Variants in OTUD7A observed in about 807,000 individuals in gnomAD.
OTUD7A encodes the protein OTU deubiquitinase 7A, also known as OTU domain-containing protein 7A.
Under a neutral mutation model 65.7 loss-of-function variants are expected in OTUD7A, and 12 were observed. The ratio of observed to expected loss-of-function variants is 0.18; its 90% CI spans 0.12 to 0.30. The LOEUF is 0.30. OTUD7A is among the 10% of genes least tolerant of loss of function. OTUD7A has a pLI of 1.00. For synonymous variants in OTUD7A, 641 were observed against 586.3 expected, an observed-to-expected ratio of 1.09 and a Z score of -1.35; for missense variants, 1,148 against 1,304.8, an observed-to-expected ratio of 0.88 and a Z score of 1.85.
chr15:31,741,240 C>T (rs1894334532), intron 1 of OTUD7A, among the ~76,000 whole-genome samples: 2 of 152,176 alleles, frequency 1.3e-5, no homozygotes, highest in South Asian at 4.2e-4. Flanking sequence ...TCCAAATAAC[C>T]CATAGGATTT....
Position 31,659,038 on chromosome 15 carries a change from AATG to A in OTUD7A, c.-99-1964_-99-1962del, listed in dbSNP as rs1443599630. 4.4e-4 allele frequency among the ~76,000 whole-genome samples: 48 copies of A among 108,868 alleles called. No individual in the cohort carries two copies. In the South Asian group the frequency reaches 4.9e-3, roughly 11 times the overall value. The allele number at this position is 108,868 out of a possible 152,430, so 71.4% of individuals were successfully genotyped here. On this transcript the variant is annotated intron_variant, in intron 1 of 12. Coordinates refer to ENST00000307050, the MANE Select transcript of OTUD7A (RefSeq NM_001382637.1). Reference sequence around the variant, plus strand: ...GAATGAATGAATGAATGAATGAATGAATGAATAAATAAATAAATAAATAAATAA... The same window carrying A: ...GAATGAATGAATGAATGAATGAATGAAATAAATAAATAAATAAATAAATAA...
At chr15:31,621,353 C>G (rs111521865) in intron 3 of OTUD7A, among the ~76,000 whole-genome samples, 6 of 152,200 alleles carry the variant, frequency 3.9e-5, no homozygotes, top group African/African-American at 1.2e-4. Flanking sequence ...ATCTGTCTAT[C>G]GTTGACAGTG....
chr15:31,626,724 T>G (rs1053417160), intron 3 of OTUD7A, among the ~76,000 whole-genome samples: 1 of 151,988 alleles, frequency 6.6e-6, no homozygotes, highest in Non-Finnish European at 1.5e-5. Context: ...TACAGGTGTG[T>G]GCCACCATAC....
chr15:31,711,397 T>C (rs1361278160), intron 1 of OTUD7A, among the ~76,000 whole-genome samples: 4 of 151,944 alleles, frequency 2.6e-5, no homozygotes, highest in Non-Finnish European at 4.4e-5. Context: ...CTTCCATAAC[T>C]GGAAGCCCAC....
intron 1 of OTUD7A, among the ~76,000 whole-genome samples, chr15:31,802,155 G>C (rs891634545): frequency 1.6e-5 from 2 of 121,528 alleles, no homozygotes; most frequent in African/African-American, 3.1e-5. Context: ...ATATATATAT[G>C]TAAAGGGGAG....
intron 1 of OTUD7A, among the ~76,000 whole-genome samples, chr15:31,793,306 C>G (rs936645192): frequency 6.6e-6 from 1 of 152,100 alleles, no homozygotes; most frequent in Non-Finnish European, 1.5e-5. Context: ...TTATCTGACC[C>G]CAGGTGAAGG....
chr15:31,608,827 A>G (rs1215643977), intron 3 of OTUD7A, among the ~76,000 whole-genome samples: 1 of 152,194 alleles, frequency 6.6e-6, no homozygotes, highest in Non-Finnish European at 1.5e-5. Flanking sequence ...TTAGATCCAG[A>G]ATGACTGCAG....
At position 31,749,125 on chromosome 15, in the gene OTUD7A, G is replaced by A. The variant is rs150968701; in HGVS notation, c.-99-92048C>T. ...GACACAGGAAGGGGAACATCACACC[G>A]GGGCCTGTTGTGGGGTGGGGGGAGG... On this transcript the variant is annotated intron_variant, in intron 1 of 12. Coordinates refer to ENST00000307050, the MANE Select transcript of OTUD7A (RefSeq NM_001382637.1). Among the ~76,000 whole-genome samples, 1,124 of 142,316 alleles carry A rather than the reference G, an allele frequency of 7.9e-3. 17 individuals carry two copies. Among genetic ancestry groups the A allele is most frequent in the African/African-American group, 0.028 (1,070 of 38,192 alleles). 93.4% of individuals were successfully genotyped at this position (142,316 alleles called of 152,430 possible). A position where few individuals can be genotyped will look rare whatever the true frequency, so the allele number is the denominator to read the frequency against.
intron 1 of OTUD7A, among the ~76,000 whole-genome samples, chr15:31,848,392 C>T (rs1377290879): frequency 2.6e-5 from 4 of 152,108 alleles, no homozygotes; most frequent in Non-Finnish European, 5.9e-5. Context: ...AAACCCTGAA[C>T]TTTAAGTAAT....
intron 4 of OTUD7A, among the ~76,000 whole-genome samples, chr15:31,559,484 GCATACACACA>G (rs1259173307): frequency 6.6e-6 from 1 of 151,632 alleles, no homozygotes; most frequent in Non-Finnish European, 1.5e-5. Flanking sequence ...GCACACATAC[GCATACACACA>G]CATGCACACA....
At chr15:31,688,825 G>A (rs1310633325) in intron 1 of OTUD7A, among the ~76,000 whole-genome samples, 1 of 150,396 alleles carries the variant, frequency 6.6e-6, no homozygotes, top group Non-Finnish European at 1.5e-5. Context: ...AATTACGGGT[G>A]TTCACTTTTC....
At chr15:31,797,094 G>T (rs1390658921) in intron 1 of OTUD7A, among the ~76,000 whole-genome samples, 1 of 152,166 alleles carries the variant, frequency 6.6e-6, no homozygotes, top group East Asian at 1.9e-4. Context: ...AAATAAATCA[G>T]TTAAGATGTT....
rs141843589 is a variant in OTUD7A at position 31,802,497 on chromosome 15, C to T, written c.-100+68010G>A. ...CCCTCACAGACACACCAACGATCAA[C>T]ACTTTGCATCCTTCAATCCAATCAA... On this transcript the variant is annotated intron_variant, in intron 1 of 12. Transcript: ENST00000307050. Among the ~76,000 whole-genome samples the T allele has an allele frequency of 4.2e-3, 643 of 152,292 alleles. 2 individuals carry two copies. Among genetic ancestry groups the T allele is most frequent in the Middle Eastern group, 0.037 (11 of 294 alleles).
rs552792726 is a variant in OTUD7A at position 31,666,301 on chromosome 15, T to C, written c.-99-9224A>G. Among the ~76,000 whole-genome samples the C allele has an allele frequency of 3.0e-4, 45 of 152,228 alleles. No individual in the cohort carries two copies. In the South Asian group the frequency reaches 9.1e-3, roughly 31 times the overall value. On this transcript the variant is annotated intron_variant, in intron 1 of 12. Coordinates refer to ENST00000307050, the MANE Select transcript of OTUD7A (RefSeq NM_001382637.1). The stretch of plus-strand genomic sequence containing the variant: ...ATTAAGATTTCAATCACACTGCTTG[T>C]TATTGGTCTGTTCAGGGTATCTAAT...
intron 1 of OTUD7A, among the ~76,000 whole-genome samples, chr15:31,668,839 G>A (rs898148444): frequency 7.2e-5 from 11 of 152,310 alleles, no homozygotes; most frequent in South Asian, 6.2e-4. Context: ...GTCTCATGGC[G>A]TGTTCCATTG....
Position 31,501,786 on chromosome 15 carries a change from T to C in OTUD7A, c.1075A>G (p.Asn359Asp). 1 of 1,614,178 alleles carries C rather than the reference T, an allele frequency of 6.2e-7. No individual in the cohort carries two copies. Among genetic ancestry groups the C allele is most frequent in the Non-Finnish European group, 8.5e-7 (1 of 1,180,014 alleles). The change falls in exon 10 of 13, where the codon AAC (asparagine) becomes GAC (aspartate). Residue 359 changes from asparagine (N) to aspartate (D), a missense_variant. By Grantham distance (23) the Asn-to-Asp change is conservative (BLOSUM62 1). This residue lies in a region of OTUD7A where 58 missense variants were observed against 131.4 expected (regional missense o/e 0.44). Coordinates refer to ENST00000307050, the MANE Select transcript of OTUD7A (RefSeq NM_001382637.1). The part of the protein sequence containing the change: ...GIYLPLEVPP[N>D]RCHCSPLVLA... ...ACCAGAGGCGAGCAGTGGCATCTGT[T>C]GGGAGGGACCTCCAAGGGCAGGTAG...
At chr15:31,665,088 G>C (rs1331200419) in intron 1 of OTUD7A, among the ~76,000 whole-genome samples, 1 of 152,162 alleles carries the variant, frequency 6.6e-6, no homozygotes, top group Admixed American at 6.5e-5. Flanking sequence ...AAAGCAGGTA[G>C]TGTGATGCCT....
chr15:31,536,577 C>T (rs1887809977), intron 5 of OTUD7A, among the ~76,000 whole-genome samples: 1 of 152,146 alleles, frequency 6.6e-6, no homozygotes, highest in Admixed American at 6.5e-5. Flanking sequence ...ACTGAAGAAG[C>T]AGAACATGTT....
rs1595783619 is a variant in OTUD7A at position 31,808,125 on chromosome 15, AC to A, written c.-100+62381del. Among the ~76,000 whole-genome samples, 4 of 112,440 alleles carry A rather than the reference AC, an allele frequency of 3.6e-5. No individual in the cohort carries two copies. In the South Asian group the frequency reaches 7.7e-4, roughly 22 times the overall value. The allele number at this position is 112,440 out of a possible 152,430, so 73.8% of individuals were successfully genotyped here. On this transcript the variant is annotated intron_variant, in intron 1 of 12. Transcript: ENST00000307050. Reference sequence around the variant, plus strand: ...CACACACACACACACACACACACACACACACACACACAAACAAATCCTCACC... The same window carrying A: ...CACACACACACACACACACACACACAACACACACACAAACAAATCCTCACC...
Sources: gnomAD v4.1 joint callset for allele counts (sites outside exome capture counted in the v4.1 genomes callset) on GRCh38, gnomAD v4.1.1 for gene constraint, gnomAD v4.1.1 regional missense constraint, MANE v1.5 for transcripts, NCBI Gene and HGNC (gene_info 2026-07-23, HGNC 2026-07-21) for gene names.